The following EFEMP1 variants were observed in gnomAD, a reference collection of about 807,000 sequenced individuals.
EFEMP1 encodes EGF-containing fibulin-like extracellular matrix protein 1.
A neutral mutation model predicts 65.7 loss-of-function variants in EFEMP1; 18 were observed. The observed-to-expected ratio is 0.27, with a 90% CI of 0.19 to 0.41. EFEMP1 has a LOEUF of 0.41. EFEMP1 is among the 10% of genes least tolerant of loss of function. The pLI is 1.00. For missense variants in EFEMP1, 469 were observed against 624.8 expected (o/e 0.75, Z 2.66); for synonymous variants, 237 against 219.7 (o/e 1.08, Z -0.70).
intron 5 of EFEMP1, among the ~76,000 whole-genome samples, chr2:55,895,789 C>T (rs1395341288): frequency 1.3e-5 from 2 of 151,824 alleles, no homozygotes; most frequent in Non-Finnish European, 2.9e-5. Flanking sequence ...GATCCGCCCG[C>T]CTTGGCCTCC....
intron 5 of EFEMP1, among the ~76,000 whole-genome samples, chr2:55,887,510 C>T (rs904471016): frequency 6.6e-6 from 1 of 152,100 alleles, no homozygotes. Context: ...TTTCATAGTA[C>T]TGGAATCAGA....
intron 5 of EFEMP1, among the ~76,000 whole-genome samples, chr2:55,903,991 C>A (rs1391727078): frequency 6.6e-6 from 1 of 152,120 alleles, no homozygotes; most frequent in Non-Finnish European, 1.5e-5. Context: ...ACAGGGGGTC[C>A]TGTCTTTCAG....
chr2:55,879,652 T>A lies in EFEMP1; in HGVS notation c.641-1787A>T, dbSNP rs189499301. Among the ~76,000 whole-genome samples, 750 of 152,082 alleles carry A rather than the reference T, an allele frequency of 4.9e-3. 5 individuals carry two copies. The highest frequency in any genetic ancestry group is 0.017 in the African/African-American group (716 of 41,400). ...GACAGGCATGAAACAAATTATTCCA[T>A]GGAATGAGAAGATCAACAATAGAAA... On this transcript the variant is annotated intron_variant, in intron 6 of 11. Transcript: ENST00000355426.
Position 55,922,763 on chromosome 2 carries a change from G to T in EFEMP1, c.-8+136C>A. The stretch of plus-strand genomic sequence containing the variant: ...ACAAAGCAGGCTGCAGAAAGAGGGG[G>T]TCGAAAGGAAAAAACAGTAATCCAT... On this transcript the variant is annotated intron_variant, in intron 2 of 11. Coordinates refer to ENST00000355426, the MANE Select transcript of EFEMP1 (RefSeq NM_001039348.3). This position sits in a 1 kb window ranked among gnomAD's most constrained non-coding sequence, Gnocchi z 5.5. 1.6e-6 allele frequency: 1 copy of T among 642,794 alleles called. No homozygotes were observed. Among genetic ancestry groups the T allele is most frequent in the Non-Finnish European group, 2.3e-6 (1 of 444,228 alleles). 39.8% of individuals were successfully genotyped at this position (642,794 alleles called of 1,614,324 possible).
rs1237927766 is a variant in EFEMP1, at chr2:55,883,932, C to T, written c.518-2198G>A. On this transcript the variant is annotated intron_variant, in intron 5 of 11. Transcript: ENST00000355426. The surrounding 1 kb of genome is among the most constrained non-coding windows in gnomAD (Gnocchi z 4.5). ...CAAAAAACAAATACCACTGTGCTCA[C>T]TGCCACTACTTTCCTTCCCTTTCTC... 1.3e-5 allele frequency among the ~76,000 whole-genome samples: 2 copies of T among 152,144 alleles called. No homozygotes were observed. The highest frequency in any genetic ancestry group is 2.4e-5 in the African/African-American group (1 of 41,426).
At position 55,923,157 on chromosome 2, in the gene EFEMP1, G is replaced by C. The variant is rs1053563846; in HGVS notation, c.-48-218C>G. The stretch of plus-strand genomic sequence containing the variant: ...TTTAAAAGTCCCAGGTTGTGTGGAG[G>C]GGCAGCCCAAAGCGACTGATTCTCT... On this transcript the variant is annotated intron_variant, in intron 1 of 11. Coordinates refer to ENST00000355426, the MANE Select transcript of EFEMP1 (RefSeq NM_001039348.3). This position sits in a 1 kb window ranked among gnomAD's most constrained non-coding sequence, Gnocchi z 5.3. Among the ~76,000 whole-genome samples the C allele has an allele frequency of 4.6e-5, 7 of 152,120 alleles. No individual in the cohort carries two copies. The highest frequency in any genetic ancestry group is 8.8e-5 in the Non-Finnish European group (6 of 68,018).
Position 55,871,136 on chromosome 2 carries a change from A to C in EFEMP1, c.1001-13T>G. On this transcript the variant is annotated splice_polypyrimidine_tract_variant and intron_variant, in intron 9 of 11. Coordinates refer to ENST00000355426, the MANE Select transcript of EFEMP1 (RefSeq NM_001039348.3). The surrounding 1 kb of genome is among the most constrained non-coding windows in gnomAD (Gnocchi z 4.2). ...CACTCATTTATATCTGTAGAGATGT[A>C]GGGTCAAAGAGTTTACTAACTAAAC... 2.5e-6 allele frequency: 4 copies of C among 1,613,334 alleles called. No homozygotes were observed. The highest frequency in any genetic ancestry group is 3.4e-6 in the Non-Finnish European group (4 of 1,179,538).
At chr2:55,893,335 C>T (rs554736837) in intron 5 of EFEMP1, among the ~76,000 whole-genome samples, 1 of 152,120 alleles carries the variant, frequency 6.6e-6, no homozygotes, top group East Asian at 1.9e-4. Context: ...ATTAGGAGTT[C>T]AGGGGAGGAC....
At position 55,885,540 on chromosome 2, in the gene EFEMP1, G is replaced by A. The variant is rs17047302; in HGVS notation, c.518-3806C>T. The stretch of plus-strand genomic sequence containing the variant: ...TTCCTAAAATACCATAACACATTTC[G>A]TCATTCTAATACATTAACAATAGCT... On this transcript the variant is annotated intron_variant, in intron 5 of 11. Transcript: ENST00000355426. This position sits in a 1 kb window ranked among gnomAD's most constrained non-coding sequence, Gnocchi z 4.3. 0.088 allele frequency among the ~76,000 whole-genome samples: 13,418 copies of A among 152,148 alleles called. 655 individuals carry two copies. The highest frequency in any genetic ancestry group is 0.13 in the African/African-American group (5,337 of 41,498).
intron 9 of EFEMP1, among the ~76,000 whole-genome samples, chr2:55,874,532 A>G (rs1366293473): frequency 1.3e-5 from 2 of 152,054 alleles, no homozygotes. Flanking sequence ...CTACATTCTT[A>G]CGCAATTTAT....
intron 5 of EFEMP1, among the ~76,000 whole-genome samples, chr2:55,892,397 T>C (rs1669660325): frequency 6.6e-6 from 1 of 152,136 alleles, no homozygotes; most frequent in South Asian, 2.1e-4. Flanking sequence ...CTGAGTAACA[T>C]GCTTTTGCTT....
At chr2:55,894,121 A>G (rs1669728859) in intron 5 of EFEMP1, among the ~76,000 whole-genome samples, 1 of 152,190 alleles carries the variant, frequency 6.6e-6, no homozygotes, top group Non-Finnish European at 1.5e-5. Context: ...GCTTCATGGC[A>G]ATGAAGTATT....
chr2:55,869,383 T>A (rs1267144543), intron 11 of EFEMP1, among the ~76,000 whole-genome samples: 1 of 152,182 alleles, frequency 6.6e-6, no homozygotes, highest in Non-Finnish European at 1.5e-5. Flanking sequence ...TGGAAATTTC[T>A]TACAAATATC....
chr2:55,910,276 T>C (rs1475299007), intron 5 of EFEMP1, among the ~76,000 whole-genome samples: 1 of 152,220 alleles, frequency 6.6e-6, no homozygotes, highest in Non-Finnish European at 1.5e-5. Flanking sequence ...ATTTTTGCAA[T>C]GACAGCATTT....
Position 55,870,916 on chromosome 2 carries a change from C to T in EFEMP1, c.1125-1G>A. On this transcript the variant is annotated splice_acceptor_variant, in intron 10 of 11. Transcript: ENST00000355426. LOFTEE classifies it high-confidence loss of function. This position sits in a 1 kb window ranked among gnomAD's most constrained non-coding sequence, Gnocchi z 5.8. ...ATTTGAGACTGGGCAAACACATCGG[C>T]TGCAGAGACAAACAAAAGTATTCAG... 6.2e-7 allele frequency: 1 copy of T among 1,613,722 alleles called. No individual in the cohort carries two copies. Among genetic ancestry groups the T allele is most frequent in the East Asian group, 2.2e-5 (1 of 44,878 alleles).
In EFEMP1 at chr2:55,917,771, A is replaced by G. The variant is rs768547475; in HGVS notation, c.411T>C (p.Phe137=). The G allele has an allele frequency of 1.9e-6, 3 of 1,614,200 alleles. No individual in the cohort carries two copies. Among genetic ancestry groups the G allele is most frequent in the Admixed American group, 1.7e-5 (1 of 60,018 alleles). ...GGTCAGCTGGGTTCCGCCGGATGACAAAGTTATTTCGGCCAGTCTGCATTT... is the reference window on the plus strand; with the variant it reads ...GGTCAGCTGGGTTCCGCCGGATGACGAAGTTATTTCGGCCAGTCTGCATTT... ...GPEMQTGRNN[F]VIRRNPADPQ... Residue 137 remains phenylalanine, a synonymous_variant, in exon 5 of 12, where the codon TTT becomes TTC. Transcript: ENST00000355426. This position sits in a 1 kb window ranked among gnomAD's most constrained non-coding sequence, Gnocchi z 6.3.
intron 5 of EFEMP1, among the ~76,000 whole-genome samples, chr2:55,900,386 T>A (rs1050534715): frequency 3.3e-5 from 5 of 151,604 alleles, no homozygotes; most frequent in African/African-American, 1.2e-4. Flanking sequence ...GGTTGGCCTC[T>A]ACCTGGCTGT....
chr2:55,895,544 C>CTTTT (rs11439731), intron 5 of EFEMP1, among the ~76,000 whole-genome samples: 4 of 138,558 alleles, frequency 2.9e-5, no homozygotes, highest in Non-Finnish European at 4.7e-5. Flanking sequence ...CACAAATTAT[C>CTTTT]TTTTTTTTTT....
At chr2:55,911,443 G>T in intron 5 of EFEMP1, among the ~76,000 whole-genome samples, 1 of 151,456 alleles carries the variant, frequency 6.6e-6, no homozygotes, top group East Asian at 1.9e-4. Context: ...CCATATTATG[G>T]GATTGTTAAA....
Sources: gnomAD v4.1 joint callset for allele counts (sites outside exome capture counted in the v4.1 genomes callset) on GRCh38, gnomAD v4.1.1 for gene constraint, Gnocchi (gnomAD v3.1) non-coding constraint, MANE v1.5 for transcripts, NCBI Gene and HGNC (gene_info 2026-07-23, HGNC 2026-07-21) for gene names.